The following FAM169A variants were observed in gnomAD, a reference collection of about 807,000 sequenced individuals.
FAM169A encodes soluble lamin-associated protein of 75 kDa.
Under a neutral mutation model 75.7 loss-of-function variants are expected in FAM169A, and 24 were observed. That is an observed-to-expected ratio of 0.32 (90% confidence interval 0.23 to 0.45). The LOEUF (loss-of-function observed/expected upper bound fraction) is 0.45, where lower values mean the gene tolerates loss of function less well. FAM169A is among the 20% of genes least tolerant of loss of function. The probability of loss-of-function intolerance (pLI) is 1.00; values close to 1 mark genes in which losing one functional copy is unlikely to be tolerated. For synonymous variants in FAM169A, 271 were observed against 271.0 expected, an observed-to-expected ratio of 1.00 and a Z score of 0.00; for missense variants, 673 against 784.0, an observed-to-expected ratio of 0.86 and a Z score of 1.69.
At chr5:74,835,601 CA>C (rs35800429) in intron 4 of FAM169A, among the ~76,000 whole-genome samples, 10,241 of 59,080 alleles carry the variant, frequency 0.17, 225 homozygotes, top group East Asian at 0.25. Context: ...GACTGTGTCT[CA>C]AAAAAAAAAA....
chr5:74,789,375 A>G (rs1452435118), intron 11 of FAM169A, among the ~76,000 whole-genome samples: 2 of 152,174 alleles, frequency 1.3e-5, no homozygotes, highest in African/African-American at 4.8e-5. Flanking sequence ...CTTCTAAGGT[A>G]AAGGATAGGA....
intron 1 of FAM169A, among the ~76,000 whole-genome samples, chr5:74,854,557 T>C (rs541341056): frequency 1.3e-5 from 2 of 152,138 alleles, no homozygotes; most frequent in African/African-American, 4.8e-5. Context: ...CTTCATTCAA[T>C]CTAACTATGT....
chr5:74,851,512 T>C (rs1439440792), intron 1 of FAM169A, among the ~76,000 whole-genome samples: 1 of 152,172 alleles, frequency 6.6e-6, no homozygotes, highest in Non-Finnish European at 1.5e-5. Context: ...CTATATTCTA[T>C]GAACAGGAAA....
intron 6 of FAM169A, among the ~76,000 whole-genome samples, chr5:74,806,056 A>G (rs1746867310): frequency 6.6e-6 from 1 of 152,082 alleles, no homozygotes; most frequent in Admixed American, 6.5e-5. Context: ...CCAAGTAGAT[A>G]CCAAGTATTT....
At chr5:74,861,976 G>T (rs1750059809) in intron 1 of FAM169A, among the ~76,000 whole-genome samples, 1 of 152,118 alleles carries the variant, frequency 6.6e-6, no homozygotes, top group African/African-American at 2.4e-5. Flanking sequence ...TGGCAACAGA[G>T]CCCTGGTGCC....
chr5:74,802,832 T>G (rs760836695), intron 8 of FAM169A, among the ~76,000 whole-genome samples: 27 of 152,050 alleles, frequency 1.8e-4, no homozygotes, highest in Non-Finnish European at 2.5e-4. Flanking sequence ...AATATCTTGC[T>G]TCAACCAACT....
chr5:74,843,111 G>C lies in FAM169A; in HGVS notation c.-3-1432C>G, dbSNP rs542465146. Reference sequence around the variant, plus strand: ...AAAATAGAAAAAGAAAGTATAAATAGAGATGAAGACCTCATTTACAACAGC... The same window carrying C: ...AAAATAGAAAAAGAAAGTATAAATACAGATGAAGACCTCATTTACAACAGC... On this transcript the variant is annotated intron_variant, in intron 1 of 12. Transcript: ENST00000687041. Among the ~76,000 whole-genome samples the C allele has an allele frequency of 2.0e-5, 3 of 152,154 alleles. No individual in the cohort carries two copies. In the South Asian group the frequency reaches 6.2e-4, roughly 32 times the overall value.
intron 8 of FAM169A, among the ~76,000 whole-genome samples, chr5:74,802,915 A>G (rs1746663231): frequency 6.6e-6 from 1 of 152,144 alleles, no homozygotes; most frequent in South Asian, 2.1e-4. Context: ...TGTAAGATAA[A>G]TAATAGGAAA....
chr5:74,825,794 G>A (rs991317317), intron 5 of FAM169A, among the ~76,000 whole-genome samples: 1 of 151,984 alleles, frequency 6.6e-6, no homozygotes, highest in Admixed American at 6.6e-5. Flanking sequence ...TTGATCTTTT[G>A]TCTAAATCAT....
chr5:74,837,888 C>T (rs1199254388), intron 4 of FAM169A, among the ~76,000 whole-genome samples: 7 of 151,908 alleles, frequency 4.6e-5, no homozygotes, highest in Non-Finnish European at 8.8e-5. Context: ...GAGGCTGAGG[C>T]GGGTGGATCA....
intron 5 of FAM169A, among the ~76,000 whole-genome samples, chr5:74,827,168 T>G (rs538231316): frequency 1.5e-4 from 23 of 152,188 alleles, no homozygotes; most frequent in Non-Finnish European, 3.1e-4. Context: ...ACATGGTACC[T>G]GCCAGGTTTC....
At chr5:74,801,705 CAAAG>C (rs1746588861) in intron 8 of FAM169A, 76 bp from the exon 9 acceptor site, 2 of 1,077,478 alleles carry the variant, frequency 1.9e-6, no homozygotes, top group Admixed American at 4.4e-5. Context: ...CTTATAGTTT[CAAAG>C]AAAAACTTGT....
Position 74,779,728 on chromosome 5 carries a change from G to T in FAM169A, c.*1732C>A, listed in dbSNP as rs1745317809. On this transcript the variant is annotated 3_prime_UTR_variant, in exon 13 of 13. Coordinates refer to ENST00000687041, the MANE Select transcript of FAM169A (RefSeq NM_001376049.1). ...TCTGGCTTACCTTTGACTAATTAAA[G>T]AAAATATAGGGTAATACAATTGTTC... 6.6e-6 allele frequency: 1 copy of T among 151,864 alleles called. No homozygotes were observed. The allele number at this position is 151,864 out of a possible 1,614,324, so 9.4% of individuals were successfully genotyped here. A position where few individuals can be genotyped will look rare whatever the true frequency, so the allele number is the denominator to read the frequency against.
chr5:74,794,813 C>T (rs1241120276), intron 11 of FAM169A, among the ~76,000 whole-genome samples: 1 of 150,996 alleles, frequency 6.6e-6, no homozygotes, highest in Non-Finnish European at 1.5e-5. Context: ...AAAAATTAGC[C>T]GGGCGTGTTG....
At chr5:74,842,231 G>A (rs542530753) in intron 1 of FAM169A, among the ~76,000 whole-genome samples, 11 of 151,516 alleles carry the variant, frequency 7.3e-5, no homozygotes, top group Admixed American at 6.6e-4. Flanking sequence ...GACCAGCCTG[G>A]CCAAGATGGT....
At chr5:74,789,681 G>A (rs1303782270) in intron 11 of FAM169A, among the ~76,000 whole-genome samples, 2 of 152,186 alleles carry the variant, frequency 1.3e-5, no homozygotes, top group African/African-American at 2.4e-5. Context: ...GGCCCCCATA[G>A]GTGAATCACA....
At chr5:74,819,932 A>C (rs2112599222) in intron 5 of FAM169A, among the ~76,000 whole-genome samples, 1 of 151,970 alleles carries the variant, frequency 6.6e-6, no homozygotes. Context: ...AATTATCTAA[A>C]ATTAGCTGTG....
intron 5 of FAM169A, among the ~76,000 whole-genome samples, chr5:74,816,481 A>G (rs193263560): frequency 9.8e-4 from 150 of 152,338 alleles, no homozygotes; most frequent in African/African-American, 3.6e-3. Context: ...GTGTGTTCAC[A>G]ACATTTAAAT....
intron 1 of FAM169A, among the ~76,000 whole-genome samples, chr5:74,864,196 C>T (rs190155249): frequency 3.9e-5 from 6 of 152,304 alleles, no homozygotes; most frequent in South Asian, 2.1e-4. Flanking sequence ...CTCAAAAGCA[C>T]TTAATTATTT....
Sources: gnomAD v4.1 joint callset for allele counts (sites outside exome capture counted in the v4.1 genomes callset) on GRCh38, gnomAD v4.1.1 for gene constraint, MANE v1.5 for transcripts, NCBI Gene and HGNC (gene_info 2026-07-23, HGNC 2026-07-21) for gene names.